The following VAC14 variants were observed in gnomAD, a reference collection of about 807,000 sequenced individuals.
VAC14 encodes VAC14 component of PIKFYVE complex.
Under a neutral mutation model 85.3 loss-of-function variants are expected in VAC14, and 47 were observed. The ratio of observed to expected loss-of-function variants is 0.55; its 90% CI spans 0.44 to 0.70. The LOEUF is 0.70. VAC14 is among the 30% of genes least tolerant of loss of function. VAC14 has a pLI of 0.00. For synonymous variants in VAC14, 447 were observed against 430.5 expected, an observed-to-expected ratio of 1.04 and a Z score of -0.47; for missense variants, 861 against 1,004.3, an observed-to-expected ratio of 0.86 and a Z score of 1.93.
rs955190125 is a variant in VAC14, at chr16:70,738,253, G to A, written c.1528+6170C>T. 3.9e-5 allele frequency among the ~76,000 whole-genome samples: 6 copies of A among 152,292 alleles called. No homozygotes were observed. The East Asian group carries it at 1.2e-3, about 29-fold the overall frequency. ...GGGTGTAGAGTCTGCAGAACTGGAGGGGGTGCACAGCTACGTAGACAAAGG... is the reference window on the plus strand; with the variant it reads ...GGGTGTAGAGTCTGCAGAACTGGAGAGGGTGCACAGCTACGTAGACAAAGG... On this transcript the variant is annotated intron_variant, in intron 13 of 18. Transcript: ENST00000261776.
chr16:70,779,070 C>T (rs569563495), intron 9 of VAC14: 5 of 152,344 alleles, frequency 3.3e-5, no homozygotes, highest in East Asian at 1.9e-4. Flanking sequence ...CCGGGCCTCC[C>T]GCGTGGCAGG....
At position 70,762,356 on chromosome 16, in the gene VAC14, C is replaced by T. The variant is rs1324501283; in HGVS notation, c.1371+184G>A. 6.6e-6 allele frequency among the ~76,000 whole-genome samples: 1 copy of T among 152,182 alleles called. No individual in the cohort carries two copies. The highest frequency in any genetic ancestry group is 1.5e-5 in the Non-Finnish European group (1 of 68,046). ...CTCCTGGCCTCAAGTGATCCACCCA[C>T]CTTGGCCTCCCAGAGTGCTGGAAAA... On this transcript the variant is annotated intron_variant, in intron 12 of 18. Transcript: ENST00000261776. This position sits in a 1 kb window ranked among gnomAD's most constrained non-coding sequence, Gnocchi z 4.1.
chr16:70,755,966 G>C (rs1247946064), intron 12 of VAC14: 1 of 455,970 alleles, frequency 2.2e-6, no homozygotes, highest in Admixed American at 2.3e-5. Context: ...CCCCAGGTGG[G>C]ACCCCAGGCC....
At chr16:70,786,701 T>C (rs909651071) in intron 1 of VAC14, among the ~76,000 whole-genome samples, 4 of 152,230 alleles carry the variant, frequency 2.6e-5, no homozygotes, top group African/African-American at 9.7e-5. Flanking sequence ...TTACTCAGCT[T>C]TCCATTCGTG....
intron 9 of VAC14, among the ~76,000 whole-genome samples, chr16:70,774,325 T>C (rs1437714411): frequency 6.6e-6 from 1 of 152,172 alleles, no homozygotes; most frequent in Non-Finnish European, 1.5e-5. Context: ...TTTGGGTTGG[T>C]CTCACGTTTT....
Position 70,786,272 on chromosome 16 carries a change from G to C in VAC14, c.198C>G (p.Pro66=). ...LSQEFALSQH[P]HSRKGGLIGL... ...CGATGAGGCCCCCTTTCCGGCTGTG[G>C]GGGTGCTGAGACAGGGCAAACTCCT... is the stretch of plus-strand genomic sequence containing the variant. The change falls in exon 2 of 19, where the codon CCC becomes CCG. Residue 66 remains proline, a synonymous_variant. Coordinates refer to ENST00000261776, the MANE Select transcript of VAC14 (RefSeq NM_018052.5). 3 of 1,614,248 alleles carry C rather than the reference G, an allele frequency of 1.9e-6. No homozygotes were observed. Among genetic ancestry groups the C allele is most frequent in the Non-Finnish European group, 2.5e-6 (3 of 1,180,038 alleles).
At chr16:70,799,001 A>G (rs963605356) in intron 1 of VAC14, among the ~76,000 whole-genome samples, 2 of 152,250 alleles carry the variant, frequency 1.3e-5, no homozygotes, top group Non-Finnish European at 2.9e-5. Context: ...GCAATGTCCA[A>G]TACAAAATGA....
chr16:70,709,705 T>C (rs527275831), intron 14 of VAC14, among the ~76,000 whole-genome samples: 25 of 152,280 alleles, frequency 1.6e-4, no homozygotes, highest in Non-Finnish European at 2.8e-4. Flanking sequence ...CGGAAACCAG[T>C]TGGGAGCAGC....
chr16:70,760,962 G>GGTGTGT (rs10671938), intron 12 of VAC14, among the ~76,000 whole-genome samples: 2,825 of 47,242 alleles, frequency 0.06, 317 homozygotes, highest in East Asian at 0.071. Context: ...ACGAAGAGAG[G>GGTGTGT]GTGTGTGTGT....
chr16:70,774,295 C>T (rs895436840), intron 9 of VAC14, among the ~76,000 whole-genome samples: 1 of 152,210 alleles, frequency 6.6e-6, no homozygotes, highest in African/African-American at 2.4e-5. Flanking sequence ...GCGCTGGTCA[C>T]TCTGCAGAAT....
At chr16:70,748,860 T>G (rs190230529) in intron 12 of VAC14, among the ~76,000 whole-genome samples, 1 of 152,266 alleles carries the variant, frequency 6.6e-6, no homozygotes, top group East Asian at 1.9e-4. Flanking sequence ...GCAGGAGAAT[T>G]GCTTGAGCAG....
At chr16:70,791,422 T>C (rs1567611893) in intron 1 of VAC14, among the ~76,000 whole-genome samples, 1 of 152,220 alleles carries the variant, frequency 6.6e-6, no homozygotes, top group Non-Finnish European at 1.5e-5. Flanking sequence ...TCTCGCTCTG[T>C]TGCCCAGGCT....
intron 9 of VAC14, chr16:70,778,624 T>C (rs2033645241): frequency 6.6e-6 from 1 of 152,176 alleles, no homozygotes; most frequent in Admixed American, 6.5e-5. Flanking sequence ...TCTCCTTTTC[T>C]TCAAACCCAG....
At chr16:70,773,756 A>AATT (rs35548063) in intron 9 of VAC14, among the ~76,000 whole-genome samples, 35 of 151,886 alleles carry the variant, frequency 2.3e-4, no homozygotes, top group Admixed American at 1.7e-3. Flanking sequence ...CCCATAGTTC[A>AATT]ATTATTATTA....
intron 9 of VAC14, among the ~76,000 whole-genome samples, chr16:70,775,671 G>C (rs35665975): frequency 0.081 from 12,285 of 152,292 alleles, 525 homozygotes; most frequent in Middle Eastern, 0.14. Flanking sequence ...CCAGGGCCTG[G>C]GGAAAGGTGA....
At chr16:70,727,932 G>C (rs1251083471) in intron 14 of VAC14, among the ~76,000 whole-genome samples, 2 of 152,216 alleles carry the variant, frequency 1.3e-5, no homozygotes, top group African/African-American at 4.8e-5. Flanking sequence ...CCAGGTGGCT[G>C]TCCGCCAGGA....
rs745745859 is a variant in VAC14 at position 70,781,886 on chromosome 16, T to C, written c.929A>G (p.Tyr310Cys). ...ILTAVLPCLA[Y>C]DDRKKSIKEV... ...AAGGATACTTTTCTTGCGGTCATCG[T>C]AGGCCAAGCAGGGCAAGACAGCAGT... The change falls in exon 8 of 19, where the codon TAC (tyrosine) becomes TGC (cysteine). Residue 310 changes from tyrosine to cysteine, a missense_variant. Transcript: ENST00000261776. The C allele has an allele frequency of 6.2e-6, 10 of 1,614,038 alleles. No individual in the cohort carries two copies. Among genetic ancestry groups the C allele is most frequent in the Non-Finnish European group, 8.5e-6 (10 of 1,180,000 alleles).
chr16:70,781,150 C>T (rs183005006), intron 8 of VAC14, among the ~76,000 whole-genome samples: 35 of 152,034 alleles, frequency 2.3e-4, no homozygotes, highest in Non-Finnish European at 3.8e-4. Context: ...TGAGGGGGCT[C>T]GTTCTTTCAA....
chr16:70,717,157 C>A (rs773832579), intron 14 of VAC14, among the ~76,000 whole-genome samples: 1 of 152,258 alleles, frequency 6.6e-6, no homozygotes, highest in African/African-American at 2.4e-5. Flanking sequence ...AGGGTGGGCA[C>A]CCGACCCTTT....
Sources: gnomAD v4.1 joint callset for allele counts (sites outside exome capture counted in the v4.1 genomes callset) on GRCh38, gnomAD v4.1.1 for gene constraint, Gnocchi (gnomAD v3.1) non-coding constraint, MANE v1.5 for transcripts, NCBI Gene and HGNC (gene_info 2026-07-23, HGNC 2026-07-21) for gene names.